PDE1C: variants seen among roughly 807,000 people sequenced by gnomAD.
PDE1C encodes phosphodiesterase 1C.
A neutral mutation model predicts 93.1 loss-of-function variants in PDE1C; 62 were observed. That is an observed-to-expected ratio of 0.67 (90% CI 0.54 to 0.82). The LOEUF is 0.82. PDE1C is among the 40% of genes least tolerant of loss of function. The pLI is 0.00. For synonymous variants in PDE1C, 325 were observed against 310.1 expected, an observed-to-expected ratio of 1.05 and a Z score of -0.50; for missense variants, 742 against 884.6, an observed-to-expected ratio of 0.84 and a Z score of 2.04.
intron 12 of PDE1C, among the ~76,000 whole-genome samples, chr7:31,825,884 T>G (rs780551244): frequency 2.1e-5 from 3 of 139,864 alleles, no homozygotes; most frequent in African/African-American, 8.8e-5. Context: ...AGTTTCAGAT[T>G]TGCTGACTTT....
exon 1 of PDE1C, chr7:32,298,774 G>C (rs1812790627): frequency 6.4e-7 from 1 of 1,552,042 alleles, no homozygotes; most frequent in Non-Finnish European, 8.7e-7. Context: ...AGCGAGACCA[G>C]CGGCGTCTGC....
the PDE1C span, among the ~76,000 whole-genome samples, chr7:31,632,153 T>C: frequency 6.6e-6 from 1 of 152,228 alleles, no homozygotes; most frequent in Admixed American, 6.5e-5. Context: ...AAGATTAAAA[T>C]TATCCTTGAC....
chr7:31,734,150 G>A, the PDE1C span, among the ~76,000 whole-genome samples: 2 of 152,196 alleles, frequency 1.3e-5, no homozygotes, highest in Non-Finnish European at 2.9e-5. Flanking sequence ...CACCTAGTAT[G>A]AGGAAGGCAC....
At chr7:32,341,509 G>T (rs1272322561) in intron 1 of PDE1C, among the ~76,000 whole-genome samples, 2 of 152,118 alleles carry the variant, frequency 1.3e-5, no homozygotes, top group Non-Finnish European at 2.9e-5. Context: ...CTGCTGTGTG[G>T]AGCACAGATG....
chr7:31,627,659 CAAAAAAA>C, the PDE1C span, among the ~76,000 whole-genome samples: 1 of 75,518 alleles, frequency 1.3e-5, no homozygotes, highest in Non-Finnish European at 2.4e-5. Flanking sequence ...GACACTGTCT[CAAAAAAA>C]AAAAAAAAAA....
At chr7:31,824,456 C>A (rs1054088048) in intron 13 of PDE1C, among the ~76,000 whole-genome samples, 4 of 152,050 alleles carry the variant, frequency 2.6e-5, no homozygotes, top group Non-Finnish European at 4.4e-5. Flanking sequence ...TGATTTCAAG[C>A]TTTCGATTCT....
chr7:31,872,602 G>T (rs1796078513), intron 6 of PDE1C, among the ~76,000 whole-genome samples: 1 of 152,060 alleles, frequency 6.6e-6, no homozygotes, highest in Admixed American at 6.6e-5. Context: ...TCAATATGTG[G>T]TACAGAAAAA....
chr7:31,702,193 T>C, the PDE1C span, among the ~76,000 whole-genome samples: 10 of 142,078 alleles, frequency 7.0e-5, no homozygotes, highest in African/African-American at 2.8e-4. Flanking sequence ...TAAATCAGCT[T>C]TTCACCCTTA....
chr7:32,193,911 G>GTTTTTTTTTTTTTTTTTTTTTTT (rs1339602899), intron 2 of PDE1C, among the ~76,000 whole-genome samples: 1 of 110,024 alleles, frequency 9.1e-6, no homozygotes, highest in African/African-American at 3.3e-5. Flanking sequence ...TTTTGGTTTT[G>GTTTTTTTTTTTTTTTTTTTTTTT]TTTTGTTTTT....
chr7:32,070,111 C>A (rs540741428), intron 1 of PDE1C, among the ~76,000 whole-genome samples, 182 bp downstream of exon 1: 1 of 152,260 alleles, frequency 6.6e-6, no homozygotes, highest in East Asian at 1.9e-4. Flanking sequence ...AGAAAGACAA[C>A]CCTCTCTGTG....
intron 1 of PDE1C, among the ~76,000 whole-genome samples, chr7:32,370,057 A>C (rs1784302277): frequency 6.6e-6 from 1 of 152,244 alleles, no homozygotes; most frequent in Non-Finnish European, 1.5e-5. Flanking sequence ...CATTATTCAC[A>C]GTAGCAAAGA....
intron 1 of PDE1C, among the ~76,000 whole-genome samples, chr7:32,398,396 T>C (rs117211143): frequency 0.013 from 1,970 of 152,014 alleles, 27 homozygotes; most frequent in Middle Eastern, 0.041. Flanking sequence ...CTGTGATTTT[T>C]TTTTTCTTTT....
At chr7:31,739,927 A>C in the PDE1C span, among the ~76,000 whole-genome samples, 1 of 152,234 alleles carries the variant, frequency 6.6e-6, no homozygotes, top group African/African-American at 2.4e-5. Context: ...AACACTTTAA[A>C]TAATTTAGTT....
At chr7:32,332,454 GT>G (rs527649988) in intron 1 of PDE1C, among the ~76,000 whole-genome samples, 4,741 of 146,738 alleles carry the variant, frequency 0.032, 137 homozygotes, top group African/African-American at 0.078. Context: ...GATACAACAG[GT>G]TTTTTTTTTT....
chr7:31,748,347 A>G (rs971746578), downstream of PDE1C, among the ~76,000 whole-genome samples: 2 of 152,232 alleles, frequency 1.3e-5, no homozygotes, highest in African/African-American at 2.4e-5. Flanking sequence ...GGCAATGACC[A>G]TACATGCATT....
chr7:32,045,206 A>AC (rs1476688961), intron 2 of PDE1C, among the ~76,000 whole-genome samples: 1 of 150,248 alleles, frequency 6.7e-6, no homozygotes, highest in African/African-American at 2.5e-5. Context: ...CCCTTCCCCC[A>AC]CCCCCAGCCA....
chr7:31,678,156 T>G, the PDE1C span, among the ~76,000 whole-genome samples: 1 of 152,186 alleles, frequency 6.6e-6, no homozygotes. Flanking sequence ...AGGGGTGACA[T>G]CAGTTCTTCC....
At chr7:32,113,263 A>ATG (rs1329119857) in intron 3 of PDE1C, among the ~76,000 whole-genome samples, 1 of 138,426 alleles carries the variant, frequency 7.2e-6, no homozygotes, top group Non-Finnish European at 1.5e-5. Context: ...ATATATATAT[A>ATG]TGGATGTGGA....
At chr7:32,314,791 A>G (rs1783133490) in intron 1 of PDE1C, among the ~76,000 whole-genome samples, 1 of 152,112 alleles carries the variant, frequency 6.6e-6, no homozygotes, top group Non-Finnish European at 1.5e-5. Flanking sequence ...AAAAGGGAAC[A>G]CAGACCTACA....
Sources: gnomAD v4.1 joint callset for allele counts (sites outside exome capture counted in the v4.1 genomes callset) on GRCh38, gnomAD v4.1.1 for gene constraint, MANE v1.5 for transcripts, NCBI Gene and HGNC (gene_info 2026-07-23, HGNC 2026-07-21) for gene names.